Variants in SHROOM3 observed in about 807,000 individuals in gnomAD.
SHROOM3 encodes shroom family member 3.
Under a neutral mutation model 138.6 loss-of-function variants are expected in SHROOM3, and 47 were observed. The ratio of observed to expected loss-of-function variants is 0.34; its 90% CI spans 0.27 to 0.43. The LOEUF (loss-of-function observed/expected upper bound fraction) is 0.43. Among genes scored for constraint, SHROOM3 ranks in the 20% least tolerant of loss-of-function variants. The probability of loss-of-function intolerance (pLI) is 1.00; values close to 1 mark genes in which losing one functional copy is unlikely to be tolerated. For synonymous variants in SHROOM3, 1,062 were observed against 1,063.3 expected, an observed-to-expected ratio of 1.00 and a Z score of 0.02; for missense variants, 2,491 against 2,596.5, an observed-to-expected ratio of 0.96 and a Z score of 0.88.
chr4:76,454,065 T>A (rs1730979286), intron 1 of SHROOM3, among the ~76,000 whole-genome samples: 1 of 152,204 alleles, frequency 6.6e-6, no homozygotes, highest in Non-Finnish European at 1.5e-5. Context: ...CTTTATGAGA[T>A]GGAGTTTTGC....
intron 1 of SHROOM3, among the ~76,000 whole-genome samples, chr4:76,548,374 C>T (rs535644559): frequency 1.3e-5 from 2 of 152,276 alleles, no homozygotes; most frequent in East Asian, 3.9e-4. Flanking sequence ...TGGAGAAGCA[C>T]AACACAGGAC....
At chr4:76,488,344 T>A (rs1185793755) in intron 1 of SHROOM3, among the ~76,000 whole-genome samples, 3 of 152,212 alleles carry the variant, frequency 2.0e-5, no homozygotes, top group Non-Finnish European at 4.4e-5. Flanking sequence ...TAAGTCTGAT[T>A]TTTAATGGGC....
At chr4:76,746,560 A>T (rs1045976154) in intron 5 of SHROOM3, among the ~76,000 whole-genome samples, 1 of 152,156 alleles carries the variant, frequency 6.6e-6, no homozygotes, top group African/African-American at 2.4e-5. Flanking sequence ...AAAATTGCCT[A>T]ATGATGCATT....
intron 2 of SHROOM3, among the ~76,000 whole-genome samples, chr4:76,672,389 G>T: frequency 7.1e-6 from 1 of 139,908 alleles, no homozygotes; most frequent in African/African-American, 2.7e-5. Flanking sequence ...CTTTTTACTG[G>T]AACTTACTCT....
intron 9 of SHROOM3, among the ~76,000 whole-genome samples, chr4:76,764,333 C>T (rs979548921): frequency 5.3e-5 from 8 of 152,172 alleles, no homozygotes; most frequent in Non-Finnish European, 8.8e-5. Flanking sequence ...CACATAATTC[C>T]CTATTCTGAA....
chr4:76,617,011 C>A (rs769922871), intron 2 of SHROOM3, among the ~76,000 whole-genome samples: 1 of 152,116 alleles, frequency 6.6e-6, no homozygotes. Flanking sequence ...ATTTAAAAAT[C>A]AACCTACTTT....
chr4:76,480,819 A>G (rs1171813160), intron 1 of SHROOM3, among the ~76,000 whole-genome samples: 2 of 152,232 alleles, frequency 1.3e-5, no homozygotes, highest in African/African-American at 4.8e-5. Flanking sequence ...AGAACTCAGG[A>G]TTAAGAAACT....
In SHROOM3 at chr4:76,743,176, G is replaced by A. The variant is rs185796156; in HGVS notation, c.3753+1250G>A. Among the ~76,000 whole-genome samples, 797 of 152,328 alleles carry A rather than the reference G, an allele frequency of 5.2e-3. 4 individuals carry two copies. Among genetic ancestry groups the A allele is most frequent in the Non-Finnish European group, 8.0e-3 (546 of 68,028 alleles). Reference sequence around the variant, plus strand: ...ATGTAAAAGATGGGCATGATGACAAGAGATTAGGGGAGAGGGGATGCATTG... The same window carrying A: ...ATGTAAAAGATGGGCATGATGACAAAAGATTAGGGGAGAGGGGATGCATTG... On this transcript the variant is annotated intron_variant, in intron 5 of 10. Coordinates refer to ENST00000296043, the MANE Select transcript of SHROOM3 (RefSeq NM_020859.4).
intron 2 of SHROOM3, among the ~76,000 whole-genome samples, chr4:76,558,983 TCTC>T (rs1363106351): frequency 2.0e-5 from 3 of 152,136 alleles, no homozygotes; most frequent in Admixed American, 1.3e-4. Flanking sequence ...CTGCCAACGT[TCTC>T]CTCTCCATTT....
chr4:76,740,570 T>C lies in SHROOM3; in HGVS notation c.2397T>C (p.Ser799=). The C allele has an allele frequency of 6.2e-7, 1 of 1,613,972 alleles. No homozygotes were observed. The part of the protein sequence containing the change: ...EQREQGSQRP[S]VGGSGFGHNY... The stretch of plus-strand genomic sequence containing the variant: ...GAGAGCAAGGGAGCCAGAGACCGAG[T>C]GTGGGCGGCTCTGGTTTTGGCCATA... The change falls in exon 5 of 11, where the codon AGT becomes AGC. Residue 799 remains serine, a synonymous_variant. Transcript: ENST00000296043. The surrounding 1 kb of genome is among the most constrained non-coding windows in gnomAD (Gnocchi z 4.0).
At chr4:76,501,696 C>T (rs909084193) in intron 1 of SHROOM3, among the ~76,000 whole-genome samples, 1 of 152,116 alleles carries the variant, frequency 6.6e-6, no homozygotes, top group South Asian at 2.1e-4. Context: ...AATCACTGAT[C>T]ATGTCTACGT....
intron 2 of SHROOM3, among the ~76,000 whole-genome samples, chr4:76,615,020 GC>G (rs1734843380): frequency 6.6e-6 from 1 of 152,164 alleles, no homozygotes; most frequent in Non-Finnish European, 1.5e-5. Flanking sequence ...AATGACTGTT[GC>G]CCTCTGAGAT....
rs139124625 is a variant in SHROOM3 at position 76,740,635 on chromosome 4, C to A, written c.2462C>A (p.Ser821Tyr). ...PHRTVSTSST[S>Y]GNDFEETKAH... is the part of the protein sequence containing the mutation. ...AGGACCGTCTCAACTTCCAGTACTT[C>A]TGGGAATGACTTCGAGGAGACAAAA... is the stretch of plus-strand genomic sequence containing the variant. Residue 821 changes from serine to tyrosine, a missense_variant, in exon 5 of 11, where the codon TCT becomes TAT. Physicochemically the swap from Ser to Tyr is moderately radical, Grantham distance 144 (BLOSUM62 -2). Transcript: ENST00000296043. The surrounding 1 kb of genome is among the most constrained non-coding windows in gnomAD (Gnocchi z 4.0). 49 of 1,614,186 alleles carry A rather than the reference C, an allele frequency of 3.0e-5. No individual in the cohort carries two copies. In the African/African-American group the frequency reaches 5.7e-4, roughly 19 times the overall value.
chr4:76,700,305 A>T (rs1227700407), intron 2 of SHROOM3, among the ~76,000 whole-genome samples: 2 of 152,198 alleles, frequency 1.3e-5, no homozygotes, highest in Non-Finnish European at 2.9e-5. Flanking sequence ...CCTGCCTTCA[A>T]GGTTGGCTGT....
At chr4:76,573,090 A>G (rs1470610037) in intron 2 of SHROOM3, among the ~76,000 whole-genome samples, 1 of 151,912 alleles carries the variant, frequency 6.6e-6, no homozygotes, top group Non-Finnish European at 1.5e-5. Flanking sequence ...CAAAAAAAAA[A>G]TAAAAAAGAA....
intron 4 of SHROOM3, among the ~76,000 whole-genome samples, 161 bp downstream of exon 4, chr4:76,731,096 G>A (rs150829627): frequency 3.3e-5 from 5 of 152,192 alleles, no homozygotes; most frequent in Admixed American, 6.5e-5. Context: ...AGTGCTTGAC[G>A]TGTATATGAG....
At chr4:76,452,972 C>T (rs897768444) in intron 1 of SHROOM3, among the ~76,000 whole-genome samples, 1 of 152,176 alleles carries the variant, frequency 6.6e-6, no homozygotes, top group Non-Finnish European at 1.5e-5. Context: ...CCTGCCTCGG[C>T]CTCCCAGAGT....
intron 2 of SHROOM3, among the ~76,000 whole-genome samples, chr4:76,590,609 G>T (rs1258779988): frequency 1.3e-5 from 2 of 151,252 alleles, no homozygotes; most frequent in Non-Finnish European, 2.9e-5. Context: ...TTTCTACACA[G>T]TGATGAGTTT....
intron 1 of SHROOM3, among the ~76,000 whole-genome samples, chr4:76,507,142 G>A (rs1181329846): frequency 6.6e-6 from 1 of 152,138 alleles, no homozygotes; most frequent in Non-Finnish European, 1.5e-5. Flanking sequence ...TATGCAACAA[G>A]GAAGAAGAAA....
Sources: allele counts gnomAD v4.1 joint callset (sites outside exome capture counted in the v4.1 genomes callset), GRCh38; gene constraint gnomAD v4.1.1; non-coding constraint Gnocchi (gnomAD v3.1); transcripts MANE v1.5; gene names NCBI Gene and HGNC (gene_info 2026-07-23, HGNC 2026-07-21).